Variants in DPP6 observed in about 807,000 individuals in gnomAD.
DPP6 encodes A-type potassium channel modulatory protein DPP6.
Under a neutral mutation model 122.6 loss-of-function variants are expected in DPP6, and 69 were observed. The ratio of observed to expected loss-of-function variants is 0.56; its 90% CI spans 0.46 to 0.69. DPP6 has a LOEUF of 0.69. Among genes scored for constraint, DPP6 ranks in the 30% least tolerant of loss-of-function variants. The probability of loss-of-function intolerance (pLI) is 0.00; values close to 1 mark genes in which losing one functional copy is unlikely to be tolerated. For synonymous variants in DPP6, 418 were observed against 433.1 expected (o/e 0.97, Z 0.43); for missense variants, 928 against 1,116.9 (o/e 0.83, Z 2.41).
At chr7:154,772,710 A>C in intron 9 of DPP6, 135 bp from the exon 10 acceptor site, 4 of 1,223,304 alleles carry the variant, frequency 3.3e-6, no homozygotes, top group Non-Finnish European at 4.6e-6. Context: ...TCTCCACATT[A>C]ATTCTGCTCC....
intron 2 of DPP6, among the ~76,000 whole-genome samples, chr7:154,446,686 A>C (rs892213978): frequency 2.0e-5 from 3 of 152,210 alleles, no homozygotes; most frequent in Admixed American, 6.5e-5. Flanking sequence ...TTATTAAAAC[A>C]ACATATGTTG....
rs188052974 is a variant in DPP6, at chr7:154,269,631, G to A, written c.244-176583G>A. On this transcript the variant is annotated intron_variant, in intron 1 of 25. Transcript: ENST00000377770. ...CTCCTGATCATGGACAAGTTCCTCCGCTTCTCTGGGCTTTGGCTTTCTTTT... is the reference window on the plus strand; with the variant it reads ...CTCCTGATCATGGACAAGTTCCTCCACTTCTCTGGGCTTTGGCTTTCTTTT... Among the ~76,000 whole-genome samples the A allele has an allele frequency of 8.1e-4, 123 of 152,210 alleles. 1 individual carries two copies. Among genetic ancestry groups the A allele is most frequent in the Middle Eastern group, 6.8e-3 (2 of 294 alleles).
At chr7:153,789,539 TAAGC>T in the DPP6 span, among the ~76,000 whole-genome samples, 5 of 152,188 alleles carry the variant, frequency 3.3e-5, no homozygotes, top group African/African-American at 7.2e-5. Flanking sequence ...AAGCTATTCT[TAAGC>T]AAGAAGCACT....
chr7:154,177,420 A>G (rs928782109), intron 1 of DPP6, among the ~76,000 whole-genome samples: 10 of 152,366 alleles, frequency 6.6e-5, no homozygotes, highest in Middle Eastern at 3.4e-3. Flanking sequence ...GCCAAACTGC[A>G]TCTCTGATTT....
chr7:154,203,867 T>C (rs574001101), intron 1 of DPP6, among the ~76,000 whole-genome samples: 3 of 152,210 alleles, frequency 2.0e-5, no homozygotes, highest in Non-Finnish European at 4.4e-5. Context: ...CAGTTTCTTA[T>C]AAGAAGATAG....
intron 3 of DPP6, among the ~76,000 whole-genome samples, chr7:154,489,202 C>T (rs1252117643): frequency 6.6e-6 from 1 of 152,062 alleles, no homozygotes; most frequent in Non-Finnish European, 1.5e-5. Context: ...TTTCCGTAGC[C>T]CCCATTGCCC....
chr7:154,886,431 C>T (rs1393002889), intron 22 of DPP6, among the ~76,000 whole-genome samples: 1 of 152,238 alleles, frequency 6.6e-6, no homozygotes, highest in Non-Finnish European at 1.5e-5. Context: ...CACAGAAGGG[C>T]TTTGCTGTGT....
intron 7 of DPP6, among the ~76,000 whole-genome samples, chr7:154,703,699 A>T (rs944358207): frequency 2.0e-5 from 3 of 152,058 alleles, no homozygotes; most frequent in East Asian, 1.9e-4. Flanking sequence ...GCACTTTAGA[A>T]GGCCAAAGCG....
intron 1 of DPP6, among the ~76,000 whole-genome samples, chr7:153,914,682 ATCT>A (rs907051184): frequency 6.6e-6 from 1 of 152,218 alleles, no homozygotes; most frequent in African/African-American, 2.4e-5. Flanking sequence ...TTGAATGTGG[ATCT>A]TCTTGGAAAA....
At chr7:154,337,555 A>G (rs1258420583) in intron 1 of DPP6, among the ~76,000 whole-genome samples, 1 of 152,184 alleles carries the variant, frequency 6.6e-6, no homozygotes, top group Non-Finnish European at 1.5e-5. Flanking sequence ...GCCAAGGTCT[A>G]TCCTTGCACC....
At chr7:154,300,015 C>T (rs529547670) in intron 1 of DPP6, among the ~76,000 whole-genome samples, 4 of 152,350 alleles carry the variant, frequency 2.6e-5, no homozygotes, top group Admixed American at 6.5e-5. Flanking sequence ...CAAGTGAAAA[C>T]GCCTCTCTTC....
intron 1 of DPP6, among the ~76,000 whole-genome samples, chr7:153,961,867 G>C (rs1462930784): frequency 7.4e-6 from 1 of 134,348 alleles, no homozygotes; most frequent in Admixed American, 7.6e-5. Context: ...TCTGACGGGA[G>C]GCAGAGCTCA....
intron 1 of DPP6, among the ~76,000 whole-genome samples, chr7:154,077,763 C>T (rs1348709000): frequency 2.0e-5 from 3 of 151,680 alleles, no homozygotes; most frequent in East Asian, 1.9e-4. Context: ...CTCCGCCTCC[C>T]GGGTTCAAGC....
At chr7:153,792,036 T>C in the DPP6 span, among the ~76,000 whole-genome samples, 1 of 152,266 alleles carries the variant, frequency 6.6e-6, no homozygotes, top group Non-Finnish European at 1.5e-5. Flanking sequence ...TATTATCTTG[T>C]CTTTTGTGAT....
chr7:154,875,858 G>C lies in DPP6; in HGVS notation c.1884-48G>C. 1 of 1,567,628 alleles carries C rather than the reference G, an allele frequency of 6.4e-7. No homozygotes were observed. The highest frequency in any genetic ancestry group is 8.6e-7 in the Non-Finnish European group (1 of 1,158,202). ...TGACGTGGCAGCTGCTAGACCAGCC[G>C]CCACCCACCACGCAGCAGGCCTGCT... On this transcript the variant is annotated intron_variant, in intron 19 of 25. Coordinates refer to ENST00000377770, the MANE Select transcript of DPP6 (RefSeq NM_130797.4). This position sits in a 1 kb window ranked among gnomAD's most constrained non-coding sequence, Gnocchi z 4.5.
chr7:154,693,275 C>A (rs1840035880), intron 7 of DPP6, among the ~76,000 whole-genome samples: 1 of 152,150 alleles, frequency 6.6e-6, no homozygotes, highest in Non-Finnish European at 1.5e-5. Flanking sequence ...GCTGACGTGG[C>A]CGAGAAGGAA....
At chr7:154,649,586 TG>T (rs1836736830) in intron 6 of DPP6, among the ~76,000 whole-genome samples, 1 of 152,158 alleles carries the variant, frequency 6.6e-6, no homozygotes, top group African/African-American at 2.4e-5. Flanking sequence ...CACCATGCCC[TG>T]GGGGTGGTTC....
chr7:154,027,318 G>A (rs1251583003), intron 1 of DPP6, among the ~76,000 whole-genome samples: 1 of 152,056 alleles, frequency 6.6e-6, no homozygotes, highest in Non-Finnish European at 1.5e-5. Context: ...TTTTGGTCAT[G>A]TTAACTTACT....
intron 1 of DPP6, among the ~76,000 whole-genome samples, chr7:154,182,293 A>G (rs1490705135): frequency 6.6e-6 from 1 of 152,186 alleles, no homozygotes; most frequent in Admixed American, 6.5e-5. Flanking sequence ...TGCCTAGGTA[A>G]CAGCTCCAAG....
Sources: allele counts gnomAD v4.1 joint callset (sites outside exome capture counted in the v4.1 genomes callset), GRCh38; gene constraint gnomAD v4.1.1; non-coding constraint Gnocchi (gnomAD v3.1); transcripts MANE v1.5; gene names NCBI Gene and HGNC (gene_info 2026-07-23, HGNC 2026-07-21).